The following ASTN2 variants were observed in gnomAD, a reference collection of about 807,000 sequenced individuals.
The protein encoded by ASTN2 is astrotactin 2.
A neutral mutation model predicts 139.8 loss-of-function variants in ASTN2; 54 were observed. That is an observed-to-expected ratio of 0.39 (90% CI 0.31 to 0.48). ASTN2 has a LOEUF of 0.48. ASTN2 is among the 20% of genes least tolerant of loss of function. ASTN2 has a pLI of 0.95. For synonymous variants in ASTN2, 756 were observed against 719.5 expected (o/e 1.05, Z -0.81); for missense variants, 1,565 against 1,725.1 (o/e 0.91, Z 1.64).
At chr9:116,553,947 G>C (rs1001124150) in intron 19 of ASTN2, among the ~76,000 whole-genome samples, 1 of 152,202 alleles carries the variant, frequency 6.6e-6, no homozygotes, top group East Asian at 1.9e-4. Flanking sequence ...AAGTTGTTCA[G>C]TGAGCATTGA....
intron 4 of ASTN2, among the ~76,000 whole-genome samples, chr9:117,136,800 T>G (rs146591237): frequency 2.6e-5 from 4 of 152,208 alleles, no homozygotes; most frequent in African/African-American, 9.6e-5. Flanking sequence ...TATTCCTTAT[T>G]GAGGGTTGAA....
intron 5 of ASTN2, among the ~76,000 whole-genome samples, chr9:117,048,159 G>GA (rs1272397804): frequency 3.3e-5 from 5 of 152,138 alleles, no homozygotes; most frequent in Admixed American, 2.6e-4. Context: ...GGGCAGAGCA[G>GA]AAGCAACAAA....
At chr9:117,344,179 C>G (rs543309203) in intron 1 of ASTN2, among the ~76,000 whole-genome samples, 1 of 137,892 alleles carries the variant, frequency 7.3e-6, no homozygotes, top group South Asian at 2.4e-4. Flanking sequence ...CACAAAAGCA[C>G]GTGGAGAAAA....
intron 2 of ASTN2, among the ~76,000 whole-genome samples, chr9:117,287,631 C>T (rs1011319813): frequency 2.6e-5 from 4 of 151,956 alleles, no homozygotes; most frequent in Non-Finnish European, 4.4e-5. Context: ...ATGCAGAGAA[C>T]AAAATTTGGA....
Position 116,425,693 on chromosome 9 carries a change from T to C in ASTN2, c.*158A>G. 2 of 1,607,850 alleles carry C rather than the reference T, an allele frequency of 1.2e-6. No individual in the cohort carries two copies. Among genetic ancestry groups the C allele is most frequent in the South Asian group, 1.1e-5 (1 of 90,000 alleles). On this transcript the variant is annotated 3_prime_UTR_variant, in exon 23 of 23. Coordinates refer to ENST00000313400, the MANE Select transcript of ASTN2 (RefSeq NM_001365068.1). The stretch of plus-strand genomic sequence containing the variant: ...TGGTTACAAAGGTCTCTGTCCACTA[T>C]CCACAGGAGAAACCGTTTGCTTTGG...
chr9:116,944,630 C>T (rs116596905), intron 10 of ASTN2, among the ~76,000 whole-genome samples: 2,636 of 136,478 alleles, frequency 0.019, 83 homozygotes, highest in African/African-American at 0.069. Context: ...TGCAGTGAGT[C>T]GAGATCATGC....
chr9:116,783,237 G>A (rs1379649180), intron 13 of ASTN2, among the ~76,000 whole-genome samples: 2 of 150,922 alleles, frequency 1.3e-5, no homozygotes, highest in African/African-American at 2.4e-5. Context: ...TTTTAAACAA[G>A]TCTCACAGGC....
At chr9:116,955,588 C>A (rs1835683541) in intron 10 of ASTN2, among the ~76,000 whole-genome samples, 1 of 152,116 alleles carries the variant, frequency 6.6e-6, no homozygotes, top group Non-Finnish European at 1.5e-5. Context: ...GGGCTCTGGC[C>A]CAGAAGATGC....
chr9:116,922,944 T>C (rs989143764), intron 10 of ASTN2, among the ~76,000 whole-genome samples: 7 of 152,136 alleles, frequency 4.6e-5, no homozygotes, highest in African/African-American at 1.4e-4. Flanking sequence ...GACATGAAGA[T>C]TGGAAGGGGC....
At chr9:117,248,180 G>C (rs555471971) in intron 2 of ASTN2, among the ~76,000 whole-genome samples, 51 of 152,296 alleles carry the variant, frequency 3.3e-4, no homozygotes, top group African/African-American at 1.2e-3. Flanking sequence ...CAGGAGGAAG[G>C]GTACCTTGTC....
At chr9:116,782,476 C>T (rs1175579498) in intron 13 of ASTN2, among the ~76,000 whole-genome samples, 1 of 152,080 alleles carries the variant, frequency 6.6e-6, no homozygotes, top group Non-Finnish European at 1.5e-5. Context: ...TCCCCCTGGC[C>T]CAACCTAAGA....
chr9:116,924,635 C>T (rs567986625), intron 10 of ASTN2, among the ~76,000 whole-genome samples: 12 of 152,178 alleles, frequency 7.9e-5, no homozygotes, highest in South Asian at 2.1e-4. Context: ...AACTTTCTGA[C>T]GTTGCCATGG....
At chr9:116,483,202 G>A (rs1849229613) in intron 20 of ASTN2, among the ~76,000 whole-genome samples, 3 of 152,190 alleles carry the variant, frequency 2.0e-5, no homozygotes, top group Admixed American at 6.5e-5. Context: ...ACCTTCCTGG[G>A]ACCCACTCCC....
Position 116,797,869 on chromosome 9 carries a change from T to C in ASTN2, c.2396+7763A>G, listed in dbSNP as rs1830742502. ...CTCCAAGGCTTCAGACAGAATATAG[T>C]GCAGACAAACAGACTGAGCATTGAA... On this transcript the variant is annotated intron_variant, in intron 13 of 22. Coordinates refer to ENST00000313400, the MANE Select transcript of ASTN2 (RefSeq NM_001365068.1). Among the ~76,000 whole-genome samples the C allele has an allele frequency of 2.0e-5, 3 of 152,200 alleles. 1 individual carries two copies.
intron 19 of ASTN2, among the ~76,000 whole-genome samples, chr9:116,588,922 T>C (rs374782397): frequency 6.6e-6 from 1 of 152,170 alleles, no homozygotes; most frequent in African/African-American, 2.4e-5. Context: ...CATGAACTGA[T>C]CCAAAAAATT....
At chr9:117,283,354 G>C (rs1014224340) in intron 2 of ASTN2, among the ~76,000 whole-genome samples, 5 of 152,024 alleles carry the variant, frequency 3.3e-5, no homozygotes, top group African/African-American at 1.2e-4. Flanking sequence ...AAGCCACAAG[G>C]TTCATGTGAC....
At chr9:116,514,521 C>G (rs1415669123) in intron 19 of ASTN2, among the ~76,000 whole-genome samples, 2 of 152,200 alleles carry the variant, frequency 1.3e-5, no homozygotes, top group African/African-American at 4.8e-5. Flanking sequence ...AACCACTACT[C>G]TCTTCAAAGC....
In ASTN2 at chr9:117,246,339, A is replaced by T. The variant is rs191561270; in HGVS notation, c.631-31597T>A. Among the ~76,000 whole-genome samples, 592 of 152,278 alleles carry T rather than the reference A, an allele frequency of 3.9e-3. 2 individuals carry two copies. The highest frequency in any genetic ancestry group is 7.8e-3 in the Admixed American group (120 of 15,292). The stretch of plus-strand genomic sequence containing the variant: ...GTAATTAAGACATAGTGTTTTCATT[A>T]GGGGAGAAACCAAGGCCTAGAGCAA... On this transcript the variant is annotated intron_variant, in intron 2 of 22. Transcript: ENST00000313400.
intron 19 of ASTN2, among the ~76,000 whole-genome samples, chr9:116,495,249 T>G (rs34278882): frequency 0.22 from 32,766 of 152,136 alleles, 3,679 homozygotes; most frequent in Middle Eastern, 0.25. Flanking sequence ...TTGGTTTGAC[T>G]GGCTATAAAG....
Sources: gnomAD v4.1 joint callset for allele counts (sites outside exome capture counted in the v4.1 genomes callset) on GRCh38, gnomAD v4.1.1 for gene constraint, MANE v1.5 for transcripts, NCBI Gene and HGNC (gene_info 2026-07-23, HGNC 2026-07-21) for gene names.